MAP6: variants seen among roughly 807,000 people sequenced by gnomAD.
MAP6 encodes microtubule-associated protein 6.
MAP6 carries 26 observed loss-of-function variants against 42.4 expected under a neutral mutation model. That is an observed-to-expected ratio of 0.61 (90% CI 0.45 to 0.85). The LOEUF (loss-of-function observed/expected upper bound fraction) is 0.85. MAP6 is among the 40% of genes least tolerant of loss of function. MAP6 has a pLI of 0.00. For missense variants in MAP6, 966 were observed against 1,099.0 expected, an observed-to-expected ratio of 0.88 and a Z score of 1.71; for synonymous variants, 418 against 443.8, an observed-to-expected ratio of 0.94 and a Z score of 0.73.
rs1237329 is a variant in MAP6 at position 75,620,881 on chromosome 11, G to A, written c.906-12559C>T. 4.6e-5 allele frequency among the ~76,000 whole-genome samples: 7 copies of A among 152,114 alleles called. No individual in the cohort carries two copies. In the East Asian group the frequency reaches 9.7e-4, roughly 21 times the overall value. ...CACGGTGGCTCACGCCTGTAATCCC[G>A]GCACTCTGGGAGGCTGAGGCGGGTG... is the stretch of plus-strand genomic sequence containing the variant. On this transcript the variant is annotated intron_variant, in intron 1 of 3. Transcript: ENST00000304771.
chr11:75,643,713 A>G (rs896218673), intron 1 of MAP6, among the ~76,000 whole-genome samples: 15 of 152,204 alleles, frequency 9.9e-5, no homozygotes, highest in African/African-American at 3.6e-4. Context: ...GTTGCCAGGC[A>G]CTTTTCTATG....
At chr11:75,652,210 A>G (rs1943658118) in intron 1 of MAP6, among the ~76,000 whole-genome samples, 1 of 152,156 alleles carries the variant, frequency 6.6e-6, no homozygotes, top group South Asian at 2.1e-4. Flanking sequence ...TTAGCCTGCA[A>G]AGCCTACAAT....
At chr11:75,605,021 G>A (rs1331426583) in intron 3 of MAP6, 1 of 985,376 alleles carries the variant, frequency 1.0e-6, no homozygotes, top group Non-Finnish European at 1.2e-6. Context: ...AGCAGCATTG[G>A]ACAGGTGGTC....
intron 1 of MAP6, among the ~76,000 whole-genome samples, chr11:75,609,442 G>T (rs1378138394): frequency 6.6e-6 from 1 of 152,174 alleles, no homozygotes; most frequent in Non-Finnish European, 1.5e-5. Flanking sequence ...TCGGGGCTCA[G>T]AGAGGAGTGC....
At chr11:75,643,434 T>G (rs1943508226) in intron 1 of MAP6, among the ~76,000 whole-genome samples, 1 of 152,170 alleles carries the variant, frequency 6.6e-6, no homozygotes, top group Non-Finnish European at 1.5e-5. Context: ...ATCCTGGATT[T>G]TCTAGCTTTA....
chr11:75,635,095 C>A (rs927993111), intron 1 of MAP6, among the ~76,000 whole-genome samples: 10 of 152,180 alleles, frequency 6.6e-5, no homozygotes, highest in African/African-American at 2.4e-4. Context: ...GGAGCATTGG[C>A]ACCCGGGTAT....
At chr11:75,622,227 GT>G (rs140478720) in intron 1 of MAP6, among the ~76,000 whole-genome samples, 280 of 151,864 alleles carry the variant, frequency 1.8e-3, no homozygotes, top group African/African-American at 6.0e-3. Context: ...ATAGGAATAA[GT>G]TTTTTTTGAT....
chr11:75,662,126 C>A (rs1260630930), intron 1 of MAP6, among the ~76,000 whole-genome samples: 6 of 151,932 alleles, frequency 3.9e-5, no homozygotes, highest in Non-Finnish European at 7.4e-5. Flanking sequence ...GAACAGAGAA[C>A]CCAGATATAA....
chr11:75,633,486 T>C (rs1943316505), intron 1 of MAP6, among the ~76,000 whole-genome samples: 1 of 152,178 alleles, frequency 6.6e-6, no homozygotes, highest in African/African-American at 2.4e-5. Context: ...GGACAGAGGA[T>C]ACAAAGTCCC....
intron 3 of MAP6, among the ~76,000 whole-genome samples, chr11:75,589,904 T>C (rs1275509169): frequency 1.3e-5 from 2 of 152,192 alleles, no homozygotes; most frequent in African/African-American, 4.8e-5. Flanking sequence ...GTATTTAGCA[T>C]CCTGAGCCAC....
intron 1 of MAP6, among the ~76,000 whole-genome samples, chr11:75,641,374 C>A (rs910982363): frequency 5.9e-5 from 9 of 151,362 alleles, no homozygotes; most frequent in African/African-American, 2.2e-4. Flanking sequence ...AGGAGATATA[C>A]CTAATATTAA....
intron 2 of MAP6, 54 bp downstream of exon 2, chr11:75,608,055 G>T: frequency 6.4e-7 from 1 of 1,564,686 alleles, no homozygotes; most frequent in Non-Finnish European, 8.8e-7. Context: ...CTCTGCTGCA[G>T]TTAACCCTTA....
At chr11:75,621,196 C>G (rs770479375) in intron 1 of MAP6, among the ~76,000 whole-genome samples, 19 of 151,742 alleles carry the variant, frequency 1.3e-4, no homozygotes, top group Non-Finnish European at 2.2e-4. Context: ...AGAAATATTG[C>G]TGGGAGTGGT....
At chr11:75,620,883 C>A (rs1187087688) in intron 1 of MAP6, among the ~76,000 whole-genome samples, 1 of 152,190 alleles carries the variant, frequency 6.6e-6, no homozygotes, top group East Asian at 1.9e-4. Context: ...GTAATCCCGG[C>A]ACTCTGGGAG....
intron 3 of MAP6, among the ~76,000 whole-genome samples, chr11:75,590,791 A>G (rs1257777363): frequency 6.6e-6 from 1 of 151,988 alleles, no homozygotes; most frequent in East Asian, 1.9e-4. Context: ...ACATGGTGAA[A>G]CCCCATCTCT....
chr11:75,608,011 G>A (rs1045626841), intron 2 of MAP6, 98 bp downstream of exon 2: 4 of 1,179,312 alleles, frequency 3.4e-6, no homozygotes, highest in South Asian at 2.8e-5. Context: ...TGCCCGTGGA[G>A]GCTGGGCCAG....
chr11:75,667,473 G>C lies in MAP6; in HGVS notation c.897C>G (p.Ser299Arg). 6.6e-7 allele frequency: 1 copy of C among 1,506,128 alleles called. No individual in the cohort carries two copies. Among genetic ancestry groups the C allele is most frequent in the East Asian group, 2.8e-5 (1 of 36,002 alleles). 93.3% of individuals were successfully genotyped at this position (1,506,128 alleles called of 1,614,324 possible). ...IREEVASAVS[S>R]SYRNEFRAWT... ...CAGCGGCCGCGTCTCACCTGTAGGA[G>C]CTGCTCACTGCACTCGCCACCTCCT... The change falls in exon 1 of 4, where the codon AGC becomes AGG. Residue 299 changes from serine (S) to arginine (R), a missense_variant. Ser to Arg is a moderately radical substitution (Grantham distance 110). This residue lies in a region of MAP6 where 943 missense variants were observed against 1,049.9 expected (regional missense o/e 0.90). Transcript: ENST00000304771. This position sits in a 1 kb window ranked among gnomAD's most constrained non-coding sequence, Gnocchi z 5.6.
chr11:75,624,611 T>A (rs1363370991), intron 1 of MAP6, among the ~76,000 whole-genome samples: 1 of 152,190 alleles, frequency 6.6e-6, no homozygotes, highest in Non-Finnish European at 1.5e-5. Context: ...CTGCATGAAC[T>A]ATCCCTGCCT....
chr11:75,619,655 G>A (rs1165999265), intron 1 of MAP6, among the ~76,000 whole-genome samples: 1 of 152,094 alleles, frequency 6.6e-6, no homozygotes, highest in Non-Finnish European at 1.5e-5. Flanking sequence ...ATGGCCTCCA[G>A]CTCCATCCAT....
Sources: allele counts gnomAD v4.1 joint callset (sites outside exome capture counted in the v4.1 genomes callset), GRCh38; gene constraint gnomAD v4.1.1; regional missense constraint gnomAD v4.1.1; non-coding constraint Gnocchi (gnomAD v3.1); transcripts MANE v1.5; gene names NCBI Gene and HGNC (gene_info 2026-07-23, HGNC 2026-07-21).